The following B4GALT6 variants were observed in gnomAD, a reference collection of about 807,000 sequenced individuals.
B4GALT6 encodes the protein UDP-Gal:beta-GlcNAc beta-1,4-galactosyltransferase 6.
In B4GALT6, 14 loss-of-function variants were observed where a neutral mutation model predicts 46.3. That is an observed-to-expected ratio of 0.30 (90% CI 0.20 to 0.47). The LOEUF is 0.47. Among genes scored for constraint, B4GALT6 ranks in the 20% least tolerant of loss-of-function variants. B4GALT6 has a pLI of 0.99. For missense variants in B4GALT6, 386 were observed against 480.1 expected (o/e 0.80, Z 1.83); for synonymous variants, 168 against 162.0 (o/e 1.04, Z -0.28).
chr18:31,646,127 G>A (rs117246633), intron 3 of B4GALT6, among the ~76,000 whole-genome samples: 1 of 152,202 alleles, frequency 6.6e-6, no homozygotes, highest in Admixed American at 6.5e-5. Flanking sequence ...TTTCTTAAGA[G>A]AGGGAATTTG....
chr18:31,657,626 A>G (rs1050542146), intron 3 of B4GALT6, among the ~76,000 whole-genome samples: 2 of 152,146 alleles, frequency 1.3e-5, no homozygotes, highest in Non-Finnish European at 2.9e-5. Flanking sequence ...CAGGAACATT[A>G]TAACATATTC....
chr18:31,684,191 CA>C (rs1460487539), intron 1 of B4GALT6, 120 bp downstream of exon 1: 20 of 1,482,336 alleles, frequency 1.3e-5, no homozygotes, highest in Non-Finnish European at 1.8e-5. Flanking sequence ...ACATTTAAAA[CA>C]AAACGCTTTT....
rs557189938 is a variant in B4GALT6 at position 31,624,843 on chromosome 18, C to T, written c.*771G>A. ...AGATCCTTTATATCATGTCACATCA[C>T]AACTTTTAAGATTTTTCTTGGTAAT... On this transcript the variant is annotated 3_prime_UTR_variant, in exon 9 of 9. Transcript: ENST00000306851. 1 of 152,680 alleles carries T rather than the reference C, an allele frequency of 6.5e-6. No homozygotes were observed. The highest frequency in any genetic ancestry group is 2.1e-4 in the South Asian group (1 of 4,824). 9.5% of individuals were successfully genotyped at this position (152,680 alleles called of 1,614,324 possible).
rs545908640 is a variant in B4GALT6, at chr18:31,641,305, A to G, written c.472-2545T>C. Among the ~76,000 whole-genome samples, 6 of 152,384 alleles carry G rather than the reference A, an allele frequency of 3.9e-5. No homozygotes were observed. In the East Asian group the frequency reaches 5.8e-4, roughly 15 times the overall value. On this transcript the variant is annotated intron_variant, in intron 4 of 8. Transcript: ENST00000306851. ...ATCTCATAAGGAAACTGAGACGGTA[A>G]TAAAAGAAATTACCAGTGTCTTGGC...
chr18:31,659,949 C>CTTTTTT (rs35690268), intron 2 of B4GALT6, among the ~76,000 whole-genome samples: 39 of 122,712 alleles, frequency 3.2e-4, no homozygotes, highest in Non-Finnish European at 5.5e-4. Context: ...GATTCTTTTC[C>CTTTTTT]TTTTTTTTTT....
At chr18:31,664,018 G>A (rs187224034) in intron 2 of B4GALT6, among the ~76,000 whole-genome samples, 19 of 152,146 alleles carry the variant, frequency 1.2e-4, no homozygotes, top group Admixed American at 2.6e-4. Flanking sequence ...CAGTGTTATC[G>A]CATGTGGCCA....
the B4GALT6 span, among the ~76,000 whole-genome samples, chr18:31,691,615 TATC>T: frequency 6.6e-6 from 1 of 152,108 alleles, no homozygotes; most frequent in Non-Finnish European, 1.5e-5. Flanking sequence ...ATTCATTTAT[TATC>T]ATATTTAATG....
Position 31,625,491 on chromosome 18 carries a change from G to T in B4GALT6, c.*123C>A. The stretch of plus-strand genomic sequence containing the variant: ...ATAGTCCCACTCTGTAAACACTGTG[G>T]ACTGCTGGCTCTTCTCAGAGAAAAG... On this transcript the variant is annotated 3_prime_UTR_variant, in exon 9 of 9. Transcript: ENST00000306851. The T allele has an allele frequency of 1.9e-6, 2 of 1,062,152 alleles. No homozygotes were observed. The highest frequency in any genetic ancestry group is 2.8e-6 in the Non-Finnish European group (2 of 709,884). The allele number at this position is 1,062,152 out of a possible 1,614,324, so 65.8% of individuals were successfully genotyped here.
chr18:31,723,928 G>A, the B4GALT6 span, among the ~76,000 whole-genome samples: 5 of 151,962 alleles, frequency 3.3e-5, no homozygotes, highest in African/African-American at 1.2e-4. Context: ...TAACTTCCTT[G>A]GGAAGCTCTG....
intron 1 of B4GALT6, among the ~76,000 whole-genome samples, chr18:31,674,493 T>C (rs145712317): frequency 6.6e-6 from 1 of 152,332 alleles, no homozygotes; most frequent in East Asian, 1.9e-4. Flanking sequence ...TACGGAACAC[T>C]GGAAATAATA....
chr18:31,670,290 G>C (rs187361029), intron 1 of B4GALT6, among the ~76,000 whole-genome samples: 1 of 152,086 alleles, frequency 6.6e-6, no homozygotes, highest in Admixed American at 6.5e-5. Flanking sequence ...CCTGAGCTCA[G>C]GCAATCCGCC....
chr18:31,685,107 C>T (rs1048512503), upstream of B4GALT6, among the ~76,000 whole-genome samples: 13 of 144,802 alleles, frequency 9.0e-5, no homozygotes, highest in South Asian at 1.7e-3. Context: ...GGCCCCGGCG[C>T]CCCGCGGCCG....
At chr18:31,677,219 T>C (rs1024521495) in intron 1 of B4GALT6, among the ~76,000 whole-genome samples, 1 of 152,218 alleles carries the variant, frequency 6.6e-6, no homozygotes, top group Non-Finnish European at 1.5e-5. Flanking sequence ...CTAAGTATAT[T>C]TTCCTAAACA....
chr18:31,655,741 C>G (rs1197215183), intron 3 of B4GALT6, among the ~76,000 whole-genome samples: 2 of 152,156 alleles, frequency 1.3e-5, no homozygotes, highest in East Asian at 1.9e-4. Context: ...AATATTTCAA[C>G]AGAACATTAC....
the B4GALT6 span, chr18:31,724,603 C>A: frequency 9.4e-7 from 1 of 1,064,542 alleles, no homozygotes. Context: ...GGAGAGCTGC[C>A]CCGGGGCCAG....
At chr18:31,695,027 G>A in the B4GALT6 span, among the ~76,000 whole-genome samples, 2 of 151,948 alleles carry the variant, frequency 1.3e-5, no homozygotes, top group African/African-American at 4.8e-5. Flanking sequence ...AGACTTCATC[G>A]TATAATAATT....
the B4GALT6 span, among the ~76,000 whole-genome samples, chr18:31,718,500 G>C: frequency 3.3e-5 from 5 of 152,172 alleles, no homozygotes; most frequent in Non-Finnish European, 7.3e-5. Flanking sequence ...GTGGCAACCA[G>C]CCTTCTCCTG....
the B4GALT6 span, among the ~76,000 whole-genome samples, chr18:31,696,552 A>G: frequency 6.6e-6 from 1 of 152,142 alleles, no homozygotes; most frequent in Non-Finnish European, 1.5e-5. Flanking sequence ...TTCTAAAATT[A>G]TTGGTGTCTG....
At chr18:31,628,982 A>G (rs1391708201) in intron 6 of B4GALT6, among the ~76,000 whole-genome samples, 1 of 152,162 alleles carries the variant, frequency 6.6e-6, no homozygotes, top group Non-Finnish European at 1.5e-5. Context: ...CCCCAAGACC[A>G]ATCCCTCCTC....
Sources: gnomAD v4.1 joint callset for allele counts (sites outside exome capture counted in the v4.1 genomes callset) on GRCh38, gnomAD v4.1.1 for gene constraint, MANE v1.5 for transcripts, NCBI Gene and HGNC (gene_info 2026-07-23, HGNC 2026-07-21) for gene names.